TAFA4: variants seen among roughly 807,000 people sequenced by gnomAD.
The protein encoded by TAFA4 is TAFA chemokine like family member 4, also known as chemokine-like protein TAFA-4.
Under a neutral mutation model 21.1 loss-of-function variants are expected in TAFA4, and 20 were observed. That is an observed-to-expected ratio of 0.95 (90% CI 0.67 to 1.38). The LOEUF is 1.38. TAFA4 is among the 40% of genes most tolerant of loss of function. The pLI is 0.00. For synonymous variants in TAFA4, 71 were observed against 67.4 expected (o/e 1.05, Z -0.26); for missense variants, 211 against 180.9 (o/e 1.17, Z -0.95).
chr3:68,861,840 CTG>C (rs1041651783), intron 3 of TAFA4, among the ~76,000 whole-genome samples: 3 of 152,070 alleles, frequency 2.0e-5, no homozygotes, highest in Admixed American at 2.0e-4. Flanking sequence ...GAAATGCACA[CTG>C]AGAAGACGAA....
intron 4 of TAFA4, among the ~76,000 whole-genome samples, chr3:68,750,224 C>T (rs1353046312): frequency 2.0e-5 from 3 of 152,126 alleles, no homozygotes; most frequent in African/African-American, 7.2e-5. Flanking sequence ...TTGAGCCCAG[C>T]AGTTCAAGGC....
chr3:68,875,673 A>C (rs954784720), intron 3 of TAFA4, among the ~76,000 whole-genome samples: 1 of 152,152 alleles, frequency 6.6e-6, no homozygotes, highest in African/African-American at 2.4e-5. Flanking sequence ...GTAAGTGCTC[A>C]TTATTGATCA....
intron 3 of TAFA4, among the ~76,000 whole-genome samples, chr3:68,828,175 TC>T (rs1366953487): frequency 6.6e-6 from 1 of 152,226 alleles, no homozygotes; most frequent in Non-Finnish European, 1.5e-5. Context: ...TTGTCAAAGA[TC>T]AGATGGTTGT....
chr3:68,760,382 A>C (rs993472565), intron 3 of TAFA4, among the ~76,000 whole-genome samples: 2 of 152,230 alleles, frequency 1.3e-5, no homozygotes, highest in African/African-American at 4.8e-5. Flanking sequence ...CCACATCTGC[A>C]ATAGAAGTTC....
At chr3:68,784,235 G>C (rs538610322) in intron 3 of TAFA4, among the ~76,000 whole-genome samples, 105 of 152,346 alleles carry the variant, frequency 6.9e-4, no homozygotes, top group African/African-American at 2.5e-3. Context: ...AACTTTTGAT[G>C]TAAATGGCTA....
At position 68,757,080 on chromosome 3, in the gene TAFA4, C is replaced by T. The variant is rs141396739; in HGVS notation, c.131-4062G>A. On this transcript the variant is annotated intron_variant, in intron 3 of 5. Transcript: ENST00000295569. ...TCCCATTGGTCATTGTCTCAGTCTG[C>T]TTGGGCTGCCATAACAAAATACCAT... 3.7e-3 allele frequency among the ~76,000 whole-genome samples: 558 copies of T among 152,226 alleles called. 3 individuals carry two copies. Among genetic ancestry groups the T allele is most frequent in the Middle Eastern group, 0.01 (3 of 294 alleles).
chr3:68,767,315 C>T (rs1359392634), intron 3 of TAFA4, among the ~76,000 whole-genome samples: 2 of 151,908 alleles, frequency 1.3e-5, no homozygotes, highest in African/African-American at 4.8e-5. Context: ...AAAGGAAGCC[C>T]CAGACTCAGT....
chr3:68,768,432 C>G (rs961021505), intron 3 of TAFA4, among the ~76,000 whole-genome samples: 8 of 151,980 alleles, frequency 5.3e-5, no homozygotes, highest in African/African-American at 1.9e-4. Flanking sequence ...TGCCTATTAT[C>G]AAAAAGACAA....
intron 3 of TAFA4, among the ~76,000 whole-genome samples, chr3:68,818,366 A>G (rs1704034246): frequency 6.6e-6 from 1 of 152,196 alleles, no homozygotes; most frequent in Non-Finnish European, 1.5e-5. Flanking sequence ...CATATCTTCA[A>G]TAAGGCTGTT....
intron 1 of TAFA4, among the ~76,000 whole-genome samples, chr3:68,920,152 A>G (rs2090044160): frequency 6.6e-6 from 1 of 152,238 alleles, no homozygotes; most frequent in Non-Finnish European, 1.5e-5. Context: ...TTCATAGTGG[A>G]ACACTATATG....
intron 3 of TAFA4, among the ~76,000 whole-genome samples, chr3:68,846,603 G>T (rs1704804875): frequency 6.6e-6 from 1 of 152,056 alleles, no homozygotes; most frequent in African/African-American, 2.4e-5. Context: ...AGGCATTCTG[G>T]TTTTTGGAAT....
chr3:68,762,204 TA>T (rs11378334), intron 3 of TAFA4, among the ~76,000 whole-genome samples: 42,470 of 146,884 alleles, frequency 0.29, 6,436 homozygotes, highest in Admixed American at 0.36. Flanking sequence ...GGCCTTAATT[TA>T]AAAAAAAAAA....
chr3:68,905,654 T>C (rs1001394767), intron 1 of TAFA4, among the ~76,000 whole-genome samples: 1 of 152,014 alleles, frequency 6.6e-6, no homozygotes, highest in African/African-American at 2.4e-5. Context: ...ACCAGGGACA[T>C]GTGGAAGAAA....
At chr3:68,928,885 C>T (rs893237763) in intron 1 of TAFA4, among the ~76,000 whole-genome samples, 1 of 151,978 alleles carries the variant, frequency 6.6e-6, no homozygotes, top group South Asian at 2.1e-4. Context: ...AGGACAACAC[C>T]TCCTACCCCT....
At chr3:68,927,629 T>G (rs112377663) in intron 1 of TAFA4, among the ~76,000 whole-genome samples, 1,657 of 152,296 alleles carry the variant, frequency 0.011, 22 homozygotes, top group Non-Finnish European at 0.013. Context: ...CCAGGCACAG[T>G]AGCTCATGCC....
At chr3:68,861,254 T>A (rs1427059947) in intron 3 of TAFA4, among the ~76,000 whole-genome samples, 1 of 152,024 alleles carries the variant, frequency 6.6e-6, no homozygotes, top group East Asian at 1.9e-4. Context: ...GGGTTCACTG[T>A]GAAGTATTCT....
At chr3:68,770,134 T>C (rs1702925776) in intron 3 of TAFA4, among the ~76,000 whole-genome samples, 1 of 152,202 alleles carries the variant, frequency 6.6e-6, no homozygotes, top group African/African-American at 2.4e-5. Flanking sequence ...AAAGCTAAAT[T>C]TGTTACATCC....
intron 3 of TAFA4, among the ~76,000 whole-genome samples, chr3:68,827,191 C>T (rs1704259697): frequency 6.6e-6 from 1 of 152,038 alleles, no homozygotes; most frequent in Admixed American, 6.6e-5. Context: ...CAGCTTCATC[C>T]ATGTCCCTGC....
chr3:68,926,667 C>T (rs2090110415), intron 1 of TAFA4, among the ~76,000 whole-genome samples: 1 of 152,208 alleles, frequency 6.6e-6, no homozygotes, highest in African/African-American at 2.4e-5. Flanking sequence ...AATCCCAGCA[C>T]TTTGGGAGGC....
Sources: gnomAD v4.1 joint callset for allele counts (sites outside exome capture counted in the v4.1 genomes callset) on GRCh38, gnomAD v4.1.1 for gene constraint, MANE v1.5 for transcripts, NCBI Gene and HGNC (gene_info 2026-07-23, HGNC 2026-07-21) for gene names.